The following FAM200B variants were observed in gnomAD, a reference collection of about 807,000 sequenced individuals.
The protein encoded by FAM200B is zinc finger BED-type containing 11, also known as protein FAM200B.
FAM200B carries 32 observed loss-of-function variants against 33.1 expected under a neutral mutation model. The observed-to-expected ratio is 0.97, with a 90% confidence interval of 0.73 to 1.30. The LOEUF (loss-of-function observed/expected upper bound fraction) is 1.30. FAM200B is among the 50% of genes most tolerant of loss of function. The pLI, the probability that FAM200B is intolerant of heterozygous loss-of-function variation, is 0.00. For missense variants in FAM200B, 741 were observed against 754.0 expected (o/e 0.98, Z 0.20); for synonymous variants, 240 against 264.8 (o/e 0.91, Z 0.91).
chr4:15,687,662 C>G lies in FAM200B; in HGVS notation c.685C>G (p.Leu229Val). 1 of 1,551,042 alleles carries G rather than the reference C, an allele frequency of 6.4e-7. No individual in the cohort carries two copies. The highest frequency in any genetic ancestry group is 1.4e-5 in the African/African-American group (1 of 73,132). The change falls in exon 2 of 2, where the codon CTT (leucine) becomes GTT (valine). Residue 229 changes from leucine to valine, a missense_variant. Coordinates refer to ENST00000422728, the MANE Select transcript of FAM200B (RefSeq NM_001145191.2). ...GTCTGGTATAGATTTTGCAATCCAG[C>G]TTGATGAAAGCACTGATATTGGAAG... The part of the protein sequence containing the change: ...LQSGIDFAIQ[L>V]DESTDIGSCT...
Position 15,688,422 on chromosome 4 carries a change from A to C in FAM200B, c.1445A>C (p.Tyr482Ser). Reference sequence around the variant, plus strand: ...CTTAAAAGTAATCGTCCTAGCTATTACATGTTTCCAAGATTTTTGCAGCAT... The same window carrying C: ...CTTAAAAGTAATCGTCCTAGCTATTCCATGTTTCCAAGATTTTTGCAGCAT... Reference protein sequence around the residue: ...VRLKSNRPSYYMFPRFLQHIE... With the variant: ...VRLKSNRPSYSMFPRFLQHIE... Residue 482 changes from tyrosine (Y) to serine (S), a missense_variant, in exon 2 of 2, where the codon TAC (tyrosine) becomes TCC (serine). Physicochemically the swap from Tyr to Ser is moderately radical, Grantham distance 144 (BLOSUM62 -2). Coordinates refer to ENST00000422728, the MANE Select transcript of FAM200B (RefSeq NM_001145191.2). The C allele has an allele frequency of 6.5e-7, 1 of 1,546,118 alleles. No individual in the cohort carries two copies. The highest frequency in any genetic ancestry group is 8.7e-7 in the Non-Finnish European group (1 of 1,143,276).
chr4:15,675,840 C>T, the FAM200B span, among the ~76,000 whole-genome samples: 2 of 152,138 alleles, frequency 1.3e-5, no homozygotes, highest in African/African-American at 4.8e-5. Context: ...GCCTCGGCCT[C>T]CCAAAGTGCT....
At chr4:15,657,531 T>G in the FAM200B span, among the ~76,000 whole-genome samples, 633 of 152,344 alleles carry the variant, frequency 4.2e-3, 3 homozygotes, top group Non-Finnish European at 6.4e-3. Flanking sequence ...CCACACAGTT[T>G]CACTGTAACC....
At chr4:15,647,389 T>C in the FAM200B span, among the ~76,000 whole-genome samples, 4 of 152,164 alleles carry the variant, frequency 2.6e-5, no homozygotes, top group East Asian at 1.9e-4. Flanking sequence ...GTAAGTTACA[T>C]GCAAATACTA....
At chr4:15,656,450 T>C in the FAM200B span, 6 of 368,160 alleles carry the variant, frequency 1.6e-5, no homozygotes, top group South Asian at 1.0e-4. Flanking sequence ...CCAGATATGC[T>C]GTGTTCACCC....
Position 15,688,688 on chromosome 4 carries a change from T to C in FAM200B, c.1711T>C (p.Leu571=). 6.4e-7 allele frequency: 1 copy of C among 1,550,808 alleles called. No individual in the cohort carries two copies. Among genetic ancestry groups the C allele is most frequent in the South Asian group, 1.2e-5 (1 of 83,988 alleles). Residue 571 remains leucine (L), a synonymous_variant, in exon 2 of 2, where the codon TTG becomes CTG. Transcript: ENST00000422728. ...ELLQLSSSYT[L]KNDYETLSLS... Reference sequence around the variant, plus strand: ...ATTGCAGCTTAGTTCTTCATATACATTGAAGAATGATTATGAAACCTTAAG... The same window carrying C: ...ATTGCAGCTTAGTTCTTCATATACACTGAAGAATGATTATGAAACCTTAAG...
chr4:15,685,158 A>G (rs1026190595), intron 1 of FAM200B, among the ~76,000 whole-genome samples: 1 of 152,182 alleles, frequency 6.6e-6, no homozygotes, highest in Non-Finnish European at 1.5e-5. Context: ...GTGTTTTAAA[A>G]TGTACCCAGG....
upstream of FAM200B, among the ~76,000 whole-genome samples, chr4:15,679,523 A>C (rs1347837227): frequency 2.6e-5 from 4 of 151,304 alleles, no homozygotes; most frequent in Non-Finnish European, 5.9e-5. Flanking sequence ...ATATCCTTGA[A>C]TCTATCTAGA....
At chr4:15,660,156 G>A in the FAM200B span, among the ~76,000 whole-genome samples, 12 of 151,384 alleles carry the variant, frequency 7.9e-5, no homozygotes, top group African/African-American at 2.9e-4. Context: ...ATAGCTTACT[G>A]CAGCCTCAAA....
the FAM200B span, among the ~76,000 whole-genome samples, chr4:15,675,173 A>G: frequency 6.6e-6 from 1 of 152,172 alleles, no homozygotes; most frequent in Non-Finnish European, 1.5e-5. Context: ...GTTAAGTCAC[A>G]TAATTTATAG....
At chr4:15,673,081 A>G in the FAM200B span, among the ~76,000 whole-genome samples, 2 of 152,174 alleles carry the variant, frequency 1.3e-5, no homozygotes, top group African/African-American at 4.8e-5. Context: ...AATACTTTGA[A>G]GGATCTGTCT....
chr4:15,677,065 T>C (rs139375509), upstream of FAM200B, among the ~76,000 whole-genome samples: 169 of 152,286 alleles, frequency 1.1e-3, no homozygotes, highest in African/African-American at 3.9e-3. Context: ...GATATACCGC[T>C]AGATAGCGTT....
chr4:15,656,386 C>G, the FAM200B span: 7 of 432,796 alleles, frequency 1.6e-5, no homozygotes, highest in Non-Finnish European at 2.8e-5. Flanking sequence ...AGCCTGAGAA[C>G]CTTGGGAGGA....
chr4:15,673,714 G>C, the FAM200B span, among the ~76,000 whole-genome samples: 1 of 152,190 alleles, frequency 6.6e-6, no homozygotes, highest in Admixed American at 6.5e-5. Flanking sequence ...AGAATCAGGA[G>C]AGATTCATTC....
At chr4:15,648,283 T>C in the FAM200B span, among the ~76,000 whole-genome samples, 1 of 152,178 alleles carries the variant, frequency 6.6e-6, no homozygotes, top group South Asian at 2.1e-4. Context: ...AAAATATCAT[T>C]AGAAAGGAAT....
At chr4:15,658,030 C>T in the FAM200B span, among the ~76,000 whole-genome samples, 2 of 152,218 alleles carry the variant, frequency 1.3e-5, no homozygotes. Flanking sequence ...TACCTACTCT[C>T]ATTCTCTCTC....
the FAM200B span, among the ~76,000 whole-genome samples, chr4:15,654,221 T>C: frequency 6.6e-6 from 1 of 152,242 alleles, no homozygotes; most frequent in Non-Finnish European, 1.5e-5. Flanking sequence ...TTGATTTCTA[T>C]GCTTAAACAG....
At chr4:15,659,463 C>G in the FAM200B span, among the ~76,000 whole-genome samples, 1 of 152,152 alleles carries the variant, frequency 6.6e-6, no homozygotes, top group Non-Finnish European at 1.5e-5. Context: ...AGATTCAGTT[C>G]TGGGAATCTC....
chr4:15,665,420 C>A, the FAM200B span, among the ~76,000 whole-genome samples: 5 of 152,144 alleles, frequency 3.3e-5, no homozygotes, highest in Admixed American at 2.0e-4. Flanking sequence ...CAGCTCATTT[C>A]TTCTATCCTT....
Sources: allele counts gnomAD v4.1 joint callset (sites outside exome capture counted in the v4.1 genomes callset), GRCh38; gene constraint gnomAD v4.1.1; transcripts MANE v1.5; gene names NCBI Gene and HGNC (gene_info 2026-07-23, HGNC 2026-07-21).